ANKRD13C: variants seen among roughly 807,000 people sequenced by gnomAD.
ANKRD13C encodes the protein ankyrin repeat domain 13C.
In ANKRD13C, 16 loss-of-function variants were observed where a neutral mutation model predicts 65.5. The observed-to-expected ratio is 0.24, with a 90% confidence interval of 0.17 to 0.37. ANKRD13C has a LOEUF of 0.37. ANKRD13C is among the 10% of genes least tolerant of loss of function. The pLI is 1.00. For missense variants in ANKRD13C, 503 were observed against 655.9 expected, an observed-to-expected ratio of 0.77 and a Z score of 2.55; for synonymous variants, 235 against 238.7, an observed-to-expected ratio of 0.98 and a Z score of 0.14.
chr1:70,338,644 C>T (rs1251879481), intron 1 of ANKRD13C, among the ~76,000 whole-genome samples: 1 of 152,160 alleles, frequency 6.6e-6, no homozygotes, highest in African/African-American at 2.4e-5. Flanking sequence ...AGGTGATCCG[C>T]CCGCCTTGGC....
chr1:70,273,823 T>C (rs1558262862), intron 11 of ANKRD13C, among the ~76,000 whole-genome samples: 2 of 151,948 alleles, frequency 1.3e-5, no homozygotes, highest in Admixed American at 6.6e-5. Context: ...GCCCAGCTAG[T>C]TTTTGTATTT....
intron 8 of ANKRD13C, among the ~76,000 whole-genome samples, chr1:70,294,396 T>C (rs958736046): frequency 1.3e-5 from 2 of 152,176 alleles, no homozygotes; most frequent in African/African-American, 2.4e-5. Flanking sequence ...ATGCCAGGTG[T>C]TTGGTCAAAC....
chr1:70,306,557 C>T (rs896261373), intron 5 of ANKRD13C, among the ~76,000 whole-genome samples: 3 of 152,150 alleles, frequency 2.0e-5, no homozygotes, highest in African/African-American at 7.2e-5. Context: ...TATGATGCCA[C>T]TCAGGTACAG....
chr1:70,305,137 A>C (rs1029317994), intron 6 of ANKRD13C, among the ~76,000 whole-genome samples: 1 of 152,172 alleles, frequency 6.6e-6, no homozygotes, highest in South Asian at 2.1e-4. Context: ...AACAACAAAA[A>C]CAGAAATATC....
At chr1:70,310,818 A>G (rs921354555) in intron 5 of ANKRD13C, among the ~76,000 whole-genome samples, 2 of 152,208 alleles carry the variant, frequency 1.3e-5, no homozygotes, top group Admixed American at 1.3e-4. Context: ...CACATGGGAA[A>G]AAAATGGGGT....
intron 12 of ANKRD13C, among the ~76,000 whole-genome samples, 179 bp downstream of exon 12, chr1:70,270,677 G>A (rs1046515531): frequency 6.6e-6 from 1 of 152,140 alleles, no homozygotes; most frequent in Non-Finnish European, 1.5e-5. Flanking sequence ...GAGCTCAGGC[G>A]GCAATGCTCA....
chr1:70,282,048 T>C (rs956957845), intron 9 of ANKRD13C, among the ~76,000 whole-genome samples: 1 of 149,538 alleles, frequency 6.7e-6, no homozygotes, highest in Non-Finnish European at 1.5e-5. Flanking sequence ...AACTGGTACA[T>C]ATCATCTTTT....
Position 70,354,427 on chromosome 1 carries a change from G to C in ANKRD13C, c.-19C>G, listed in dbSNP as rs776127737. On this transcript the variant is annotated 5_prime_UTR_variant, in exon 1 of 13. Transcript: ENST00000370944. ...CGGTCATCGCCGCCGCCAGGGGCAA[G>C]GGGGGGAATCGGGAGGCTCACCGCT... The C allele has an allele frequency of 8.7e-6, 14 of 1,601,556 alleles. No individual in the cohort carries two copies. The highest frequency in any genetic ancestry group is 1.2e-5 in the Non-Finnish European group (14 of 1,173,430).
chr1:70,325,247 T>C (rs1194793515), intron 2 of ANKRD13C, among the ~76,000 whole-genome samples: 1 of 152,150 alleles, frequency 6.6e-6, no homozygotes, highest in Non-Finnish European at 1.5e-5. Flanking sequence ...TTTAATGTTT[T>C]CATACTCTAA....
At chr1:70,330,370 C>T (rs1681730425) in intron 2 of ANKRD13C, among the ~76,000 whole-genome samples, 3 of 151,786 alleles carry the variant, frequency 2.0e-5, no homozygotes, top group South Asian at 2.1e-4. Flanking sequence ...CCTGTCTGGC[C>T]AACATGGCAA....
intron 9 of ANKRD13C, among the ~76,000 whole-genome samples, chr1:70,290,217 CT>C (rs1462638838): frequency 5.8e-4 from 88 of 152,090 alleles, no homozygotes; most frequent in African/African-American, 2.0e-3. Flanking sequence ...TATGATCTTT[CT>C]AAATATTAAA....
intron 1 of ANKRD13C, among the ~76,000 whole-genome samples, chr1:70,341,787 A>G (rs991399224): frequency 1.3e-5 from 2 of 152,012 alleles, no homozygotes; most frequent in African/African-American, 4.8e-5. Context: ...AGGTATACAT[A>G]TTTTATTTTA....
intron 1 of ANKRD13C, among the ~76,000 whole-genome samples, chr1:70,340,996 G>A (rs962766950): frequency 1.3e-5 from 2 of 152,004 alleles, no homozygotes; most frequent in African/African-American, 2.4e-5. Flanking sequence ...CTGTAGGCCC[G>A]CTACTCAGGA....
chr1:70,281,053 A>ATGG (rs1558268166), intron 9 of ANKRD13C, among the ~76,000 whole-genome samples: 1 of 152,082 alleles, frequency 6.6e-6, no homozygotes, highest in Non-Finnish European at 1.5e-5. Flanking sequence ...GTTACTACCT[A>ATGG]AGACAGAGAA....
At chr1:70,283,959 C>T (rs983653488) in intron 9 of ANKRD13C, among the ~76,000 whole-genome samples, 1 of 151,998 alleles carries the variant, frequency 6.6e-6, no homozygotes, top group Non-Finnish European at 1.5e-5. Flanking sequence ...CTGGTTACAA[C>T]AAGGAGCTAA....
In ANKRD13C at chr1:70,324,853, T is replaced by A; in HGVS notation, c.577A>T (p.Ile193Phe). 6.3e-7 allele frequency: 1 copy of A among 1,595,732 alleles called. No individual in the cohort carries two copies. The highest frequency in any genetic ancestry group is 8.6e-7 in the Non-Finnish European group (1 of 1,168,728). ...EAISYGDRQM[I>F]TALLRKLKQQ... ...AACAACAGTAATTCATATTGCTTAC[T>A]CATCTGCCTATCTCCATAGCTGATG... The change falls in exon 3 of 13, where the codon ATT becomes TTT. Residue 193 changes from isoleucine (I) to phenylalanine (F), a missense_variant and splice_region_variant. By Grantham distance (21) the Ile-to-Phe change is conservative. Coordinates refer to ENST00000370944, the MANE Select transcript of ANKRD13C (RefSeq NM_030816.5).
chr1:70,263,192 C>G (rs1457847043), intron 12 of ANKRD13C, among the ~76,000 whole-genome samples: 1 of 152,048 alleles, frequency 6.6e-6, no homozygotes, highest in Non-Finnish European at 1.5e-5. Flanking sequence ...TGCATTCTGA[C>G]TTTTTTCTCT....
chr1:70,262,943 T>TAAAAAAAAAAAAAAAAAAAAAAAAAA (rs34241203), intron 12 of ANKRD13C, 96 bp from the exon 13 acceptor site: 1 of 438,448 alleles, frequency 2.3e-6, no homozygotes, highest in African/African-American at 2.5e-5. Flanking sequence ...CCTTAAAATG[T>TAAAAAAAAAAAAAAAAAAAAAAAAAA]AAAAAAAAAA....
rs34209470 is a variant in ANKRD13C at position 70,276,842 on chromosome 1, C to T, written c.1218G>A (p.Pro406=). 5.7e-6 allele frequency: 9 copies of T among 1,576,180 alleles called. No homozygotes were observed. Among genetic ancestry groups the T allele is most frequent in the East Asian group, 4.5e-5 (2 of 44,404 alleles). ...GAGGTGTAAGAGACTGTCTTCGAATCGGCTGCCAAAAAAAAAAAAGAAAGA... is the reference window on the plus strand; with the variant it reads ...GAGGTGTAAGAGACTGTCTTCGAATTGGCTGCCAAAAAAAAAAAAGAAAGA... The part of the protein sequence containing the change: ...GGNIMEQNFE[P]IRRQSLTPPP... The change falls in exon 10 of 13, where the codon CCG becomes CCA. Residue 406 remains proline (P), a splice_region_variant and synonymous_variant. Transcript: ENST00000370944.
Sources: gnomAD v4.1 joint callset for allele counts (sites outside exome capture counted in the v4.1 genomes callset) on GRCh38, gnomAD v4.1.1 for gene constraint, MANE v1.5 for transcripts, NCBI Gene and HGNC (gene_info 2026-07-23, HGNC 2026-07-21) for gene names.